The following STK16 variants were observed in gnomAD, a reference collection of about 807,000 sequenced individuals.
The protein encoded by STK16 is serine/threonine-protein kinase 16.
Under a neutral mutation model 37.8 loss-of-function variants are expected in STK16, and 28 were observed. The ratio of observed to expected loss-of-function variants is 0.74; its 90% CI spans 0.55 to 1.02. The LOEUF (loss-of-function observed/expected upper bound fraction) is 1.02, where lower values mean the gene tolerates loss of function less well. Ranked by LOEUF, STK16 falls within the 50% of genes least tolerant of loss-of-function variation. The pLI, the probability that STK16 is intolerant of heterozygous loss-of-function variation, is 0.00. For missense variants in STK16, 349 were observed against 390.6 expected, an observed-to-expected ratio of 0.89 and a Z score of 0.90; for synonymous variants, 134 against 155.0, an observed-to-expected ratio of 0.86 and a Z score of 1.01.
In STK16 at chr2:219,248,208, C is replaced by T; in HGVS notation, c.673C>T (p.Leu225=). Residue 225 remains leucine, a synonymous_variant, in exon 7 of 8, where the codon CTA becomes TTA. Coordinates refer to ENST00000396738, the MANE Select transcript of STK16 (RefSeq NM_001330213.2). ...TTATGCTCAGTCCCTAGGCTGCGTG[C>T]TATATGCCATGATGTTTGGGGAAGG... ...RTDVWSLGCV[L]YAMMFGEGPY... The T allele has an allele frequency of 1.2e-6, 2 of 1,614,190 alleles. No homozygotes were observed. The highest frequency in any genetic ancestry group is 1.7e-6 in the Non-Finnish European group (2 of 1,180,026).
chr2:219,245,928 G>A lies in STK16; in HGVS notation c.-72G>A. ...CGCTGGGCCCCCAGCGCATCTCCTG[G>A]AAGAGCCCACTCACCCTGGACGAGC... On this transcript the variant is annotated 5_prime_UTR_variant, in exon 2 of 8. An upstream open reading frame in the 5' UTR gains an earlier in-frame stop. Transcript: ENST00000396738. 7.8e-7 allele frequency: 1 copy of A among 1,287,646 alleles called. No individual in the cohort carries two copies. Among genetic ancestry groups the A allele is most frequent in the Middle Eastern group, 2.3e-4 (1 of 4,286 alleles). The allele number at this position is 1,287,646 out of a possible 1,614,324, so 79.8% of individuals were successfully genotyped here. A position where few individuals can be genotyped will look rare whatever the true frequency, so the allele number is the denominator to read the frequency against.
In STK16 at chr2:219,248,222, G is replaced by A; in HGVS notation, c.687G>A (p.Met229Ile). The A allele has an allele frequency of 1.2e-6, 2 of 1,614,182 alleles. No individual in the cohort carries two copies. The highest frequency in any genetic ancestry group is 1.7e-6 in the Non-Finnish European group (2 of 1,180,028). Residue 229 changes from methionine to isoleucine, a missense_variant, in exon 7 of 8, where the codon ATG becomes ATA. Physicochemically the swap from Met to Ile is conservative, Grantham distance 10. Coordinates refer to ENST00000396738, the MANE Select transcript of STK16 (RefSeq NM_001330213.2). Reference sequence around the variant, plus strand: ...TAGGCTGCGTGCTATATGCCATGATGTTTGGGGAAGGCCCTTATGACATGG... The same window carrying A: ...TAGGCTGCGTGCTATATGCCATGATATTTGGGGAAGGCCCTTATGACATGG... ...WSLGCVLYAM[M>I]FGEGPYDMVF...
Position 219,247,744 on chromosome 2 carries a change from G to A in STK16, c.644G>A (p.Arg215Gln), listed in dbSNP as rs181778036. The A allele has an allele frequency of 1.5e-5, 23 of 1,582,272 alleles. No homozygotes were observed. The highest frequency in any genetic ancestry group is 8.1e-5 in the African/African-American group (6 of 74,344). ...CAGAGTCACTGTGTCATCGATGAGC[G>A]GACTGATGTCTGGGTGAGGAGCATG... Reference protein sequence around the residue: ...SVQSHCVIDERTDVWSLGCVL... With the variant: ...SVQSHCVIDEQTDVWSLGCVL... Residue 215 changes from arginine (R) to glutamine (Q), a missense_variant, in exon 6 of 8, where the codon CGG (arginine) becomes CAG (glutamine). Transcript: ENST00000396738.
At position 219,247,669 on chromosome 2, in the gene STK16, C is replaced by A. The variant is rs1257028748; in HGVS notation, c.569C>A (p.Ala190Glu). 6.2e-7 allele frequency: 1 copy of A among 1,611,444 alleles called. No individual in the cohort carries two copies. Among genetic ancestry groups the A allele is most frequent in the Admixed American group, 1.7e-5 (1 of 59,888 alleles). ...CTGGGATCACTGTTCCAGGACTGGG[C>A]AGCCCAGCGGTGCACCATCTCCTAC... ...SRQALTLQDW[A>E]AQRCTISYRA... The change falls in exon 6 of 8, where the codon GCA becomes GAA. Residue 190 changes from alanine (A) to glutamate (E), a missense_variant. Ala to Glu is a moderately radical substitution (Grantham distance 107, BLOSUM62 -1). Coordinates refer to ENST00000396738, the MANE Select transcript of STK16 (RefSeq NM_001330213.2).
Position 219,246,744 on chromosome 2 carries a change from C to T in STK16, c.174C>T (p.Asp58=). 6.2e-7 allele frequency: 1 copy of T among 1,614,220 alleles called. No homozygotes were observed. Among genetic ancestry groups the T allele is most frequent in the Non-Finnish European group, 8.5e-7 (1 of 1,180,040 alleles). ...GAATCCTGTGTCACGAGCAGCAGGA[C>T]CGGGAGGAGGCCCAGCGAGAAGCCG... ...LKRILCHEQQ[D]REEAQREADM... Residue 58 remains aspartate, a synonymous_variant, in exon 3 of 8, where the codon GAC becomes GAT. Transcript: ENST00000396738. This position sits in a 1 kb window ranked among gnomAD's most constrained non-coding sequence, Gnocchi z 4.5.
intron 4 of STK16, 63 bp from the exon 5 acceptor site, chr2:219,247,352 G>A: frequency 6.2e-7 from 1 of 1,609,518 alleles, no homozygotes; most frequent in Non-Finnish European, 8.5e-7. Flanking sequence ...TGATTCTTTT[G>A]CTTGCTGGGA....
At position 219,246,083 on chromosome 2, in the gene STK16, G is replaced by A. The variant is rs963687912; in HGVS notation, c.84G>A (p.Glu28=). Residue 28 remains glutamate, a splice_region_variant and synonymous_variant, in exon 2 of 8, where the codon GAG becomes GAA. Coordinates refer to ENST00000396738, the MANE Select transcript of STK16 (RefSeq NM_001330213.2). The surrounding 1 kb of genome is among the most constrained non-coding windows in gnomAD (Gnocchi z 4.5). ...ACCTCTTCATCCAGAAACTGGGGGA[G>A]GGGTGAGTGTTTGGAAGTCAGTTAA... ...KRYLFIQKLG[E]GGFSYVDLVE... is the part of the protein sequence containing the mutation. The A allele has an allele frequency of 8.1e-6, 13 of 1,613,538 alleles. No individual in the cohort carries two copies. The highest frequency in any genetic ancestry group is 1.3e-5 in the African/African-American group (1 of 74,882).
In STK16 at chr2:219,246,714, G is replaced by A; in HGVS notation, c.144G>A (p.Leu48=). ...TACATGATGGACACTTCTACGCCCT[G>A]AAGCGAATCCTGTGTCACGAGCAGC... ...EGLHDGHFYA[L]KRILCHEQQD... Residue 48 remains leucine (L), a synonymous_variant, in exon 3 of 8, where the codon CTG becomes CTA. Coordinates refer to ENST00000396738, the MANE Select transcript of STK16 (RefSeq NM_001330213.2). This position sits in a 1 kb window ranked among gnomAD's most constrained non-coding sequence, Gnocchi z 4.5. 6.2e-7 allele frequency: 1 copy of A among 1,614,248 alleles called. No homozygotes were observed.
Position 219,247,679 on chromosome 2 carries a change from G to T in STK16, c.579G>T (p.Arg193=). Residue 193 remains arginine, a synonymous_variant, in exon 6 of 8, where the codon CGG becomes CGT. Coordinates refer to ENST00000396738, the MANE Select transcript of STK16 (RefSeq NM_001330213.2). The part of the protein sequence containing the change: ...ALTLQDWAAQ[R]CTISYRAPEL... ...TGTTCCAGGACTGGGCAGCCCAGCGGTGCACCATCTCCTACCGAGCCCCAG... is the reference window on the plus strand; with the variant it reads ...TGTTCCAGGACTGGGCAGCCCAGCGTTGCACCATCTCCTACCGAGCCCCAG... 1 of 1,611,242 alleles carries T rather than the reference G, an allele frequency of 6.2e-7. No homozygotes were observed. The highest frequency in any genetic ancestry group is 8.5e-7 in the Non-Finnish European group (1 of 1,177,850).
rs1301164451 is a variant in STK16 at position 219,246,894 on chromosome 2, T to C, written c.306+18T>C. The stretch of plus-strand genomic sequence containing the variant: ...TCTTCAAGGTCAGAAAGACTCCTGG[T>C]TATGGAGGGGGTTGCAGCAGAGCCA... On this transcript the variant is annotated intron_variant, in intron 3 of 7. Coordinates refer to ENST00000396738, the MANE Select transcript of STK16 (RefSeq NM_001330213.2). This position sits in a 1 kb window ranked among gnomAD's most constrained non-coding sequence, Gnocchi z 4.5. The C allele has an allele frequency of 1.2e-5, 19 of 1,597,086 alleles. No homozygotes were observed. The highest frequency in any genetic ancestry group is 1.6e-5 in the Non-Finnish European group (19 of 1,168,540).
In STK16 at chr2:219,245,576, G is replaced by T. The variant is rs910583428; in HGVS notation, c.-325G>T. 1 of 157,652 alleles carries T rather than the reference G, an allele frequency of 6.3e-6. No individual in the cohort carries two copies. Among genetic ancestry groups the T allele is most frequent in the Non-Finnish European group, 1.4e-5 (1 of 70,596 alleles). The allele number at this position is 157,652 out of a possible 1,614,324, so 9.8% of individuals were successfully genotyped here. A position where few individuals can be genotyped will look rare whatever the true frequency, so the allele number is the denominator to read the frequency against. ...CCGGGCTCTGGGCTCCTAGACCGGGGTGGGCCCTGCCAGGAGTGGGCCTGA... is the reference window on the plus strand; with the variant it reads ...CCGGGCTCTGGGCTCCTAGACCGGGTTGGGCCCTGCCAGGAGTGGGCCTGA... On this transcript the variant is annotated 5_prime_UTR_variant, in exon 1 of 8. Coordinates refer to ENST00000396738, the MANE Select transcript of STK16 (RefSeq NM_001330213.2).
intron 7 of STK16, 45 bp downstream of exon 7, chr2:219,248,359 CT>C (rs770303747): frequency 1.1e-5 from 17 of 1,613,124 alleles, no homozygotes; most frequent in Middle Eastern, 3.3e-4. Context: ...AGACTCCCCC[CT>C]GGTATTAGCT....
Position 219,247,760 on chromosome 2 carries a change from G to T in STK16, c.657+3G>T. On this transcript the variant is annotated splice_donor_region_variant and intron_variant, in intron 6 of 7. Coordinates refer to ENST00000396738, the MANE Select transcript of STK16 (RefSeq NM_001330213.2). ...TCGATGAGCGGACTGATGTCTGGGTGAGGAGCATGTGGGTGGGTATCTGGG... is the reference window on the plus strand; with the variant it reads ...TCGATGAGCGGACTGATGTCTGGGTTAGGAGCATGTGGGTGGGTATCTGGG... 6.4e-7 allele frequency: 1 copy of T among 1,568,774 alleles called. No individual in the cohort carries two copies. Among genetic ancestry groups the T allele is most frequent in the South Asian group, 1.2e-5 (1 of 86,774 alleles).
rs768704830 is a variant in STK16 at position 219,246,027 on chromosome 2, C to T, written c.28C>T (p.Arg10Trp). ...GGGCCACGCGCTGTGTGTCTGCTCT[C>T]GGGGAACTGTCATCATTGACAATAA... is the stretch of plus-strand genomic sequence containing the variant. MGHALCVCSRGTVIIDNKRY... is the reference protein window; with the variant it reads MGHALCVCSWGTVIIDNKRY... Residue 10 changes from arginine to tryptophan, a missense_variant, in exon 2 of 8, where the codon CGG (arginine) becomes TGG (tryptophan). Arg to Trp is a moderately radical substitution (Grantham distance 101, BLOSUM62 -3). Coordinates refer to ENST00000396738, the MANE Select transcript of STK16 (RefSeq NM_001330213.2). This position sits in a 1 kb window ranked among gnomAD's most constrained non-coding sequence, Gnocchi z 4.5. 1.2e-6 allele frequency: 2 copies of T among 1,613,860 alleles called. No homozygotes were observed. The highest frequency in any genetic ancestry group is 1.3e-5 in the African/African-American group (1 of 74,888).
rs1464389633 is a variant in STK16, at chr2:219,246,629, G to A, written c.87-28G>A. The stretch of plus-strand genomic sequence containing the variant: ...CCAAGCCATGTGGGAGATGACCATG[G>A]CCCTTTATTGACCCCTTTGGCCCAC... On this transcript the variant is annotated intron_variant, in intron 2 of 7. Coordinates refer to ENST00000396738, the MANE Select transcript of STK16 (RefSeq NM_001330213.2). This position sits in a 1 kb window ranked among gnomAD's most constrained non-coding sequence, Gnocchi z 4.5. 2 of 1,587,654 alleles carry A rather than the reference G, an allele frequency of 1.3e-6. No homozygotes were observed. Among genetic ancestry groups the A allele is most frequent in the Non-Finnish European group, 1.7e-6 (2 of 1,156,346 alleles).
At position 219,249,383 on chromosome 2, in the gene STK16, C is replaced by T. The variant is rs1951606573; in HGVS notation, c.*824C>T. ...CATACATGGTTAATGATTAATGAGG[C>T]AGTGTGGTGTGGCAGTATCCAGCTG... On this transcript the variant is annotated 3_prime_UTR_variant, in exon 8 of 8. Coordinates refer to ENST00000396738, the MANE Select transcript of STK16 (RefSeq NM_001330213.2). 6.6e-6 allele frequency: 1 copy of T among 152,216 alleles called. No individual in the cohort carries two copies. The highest frequency in any genetic ancestry group is 1.5e-5 in the Non-Finnish European group (1 of 68,066). 9.4% of individuals were successfully genotyped at this position (152,216 alleles called of 1,614,324 possible).
At position 219,249,926 on chromosome 2, in the gene STK16, T is replaced by C; in HGVS notation, c.*1367T>C. On this transcript the variant is annotated 3_prime_UTR_variant, in exon 8 of 8. Coordinates refer to ENST00000396738, the MANE Select transcript of STK16 (RefSeq NM_001330213.2). ...AACCCTCATAATGCACAGAGGAGCC[T>C]GGGCCAAGCCTTGCTTCCAGAGTTG... The C allele has an allele frequency of 5.8e-6, 1 of 171,728 alleles. No homozygotes were observed. Among genetic ancestry groups the C allele is most frequent in the Non-Finnish European group, 1.3e-5 (1 of 78,538 alleles). The allele number at this position is 171,728 out of a possible 1,614,324, so 10.6% of individuals were successfully genotyped here. A position where few individuals can be genotyped will look rare whatever the true frequency, so the allele number is the denominator to read the frequency against.
rs536326512 is a variant in STK16 at position 219,245,490 on chromosome 2, C to T, written c.-411C>T. ...GGACTGATGATGTCAGCACTGCTTCCGGTCGGTGGCGCTTCTCTCTGGCCC... is the reference window on the plus strand; with the variant it reads ...GGACTGATGATGTCAGCACTGCTTCTGGTCGGTGGCGCTTCTCTCTGGCCC... On this transcript the variant is annotated 5_prime_UTR_variant, in exon 1 of 8. Coordinates refer to ENST00000396738, the MANE Select transcript of STK16 (RefSeq NM_001330213.2). 1.3e-5 allele frequency: 2 copies of T among 153,176 alleles called. No homozygotes were observed. Among genetic ancestry groups the T allele is most frequent in the South Asian group, 3.7e-4 (2 of 5,358 alleles). 9.5% of individuals were successfully genotyped at this position (153,176 alleles called of 1,614,324 possible).
Position 219,247,187 on chromosome 2 carries a change from G to C in STK16, c.381G>C (p.Trp127Cys). The change falls in exon 4 of 8, where the codon TGG (tryptophan) becomes TGC (cysteine). Residue 127 changes from tryptophan to cysteine, a missense_variant. By Grantham distance (215) the Trp-to-Cys change is radical. Coordinates refer to ENST00000396738, the MANE Select transcript of STK16 (RefSeq NM_001330213.2). ...GNFLTEDQIL[W>C]LLLGICRGLE... ...TCCTGACCGAGGATCAAATCCTTTG[G>C]CTGCTGCTGGGGATCTGCAGAGGCC... 1 of 1,614,218 alleles carries C rather than the reference G, an allele frequency of 6.2e-7. No individual in the cohort carries two copies. Among genetic ancestry groups the C allele is most frequent in the Non-Finnish European group, 8.5e-7 (1 of 1,180,022 alleles).
Sources: allele counts gnomAD v4.1 joint callset, GRCh38; gene constraint gnomAD v4.1.1; non-coding constraint Gnocchi (gnomAD v3.1); transcripts MANE v1.5; gene names NCBI Gene and HGNC (gene_info 2026-07-23, HGNC 2026-07-21).